Variants in CNTN1 observed in about 807,000 individuals in gnomAD.
CNTN1 encodes the protein contactin 1.
In CNTN1, 38 loss-of-function variants were observed where a neutral mutation model predicts 126.4. The ratio of observed to expected loss-of-function variants is 0.30; its 90% CI spans 0.23 to 0.39. CNTN1 has a LOEUF of 0.39. Ranked by LOEUF, CNTN1 falls within the 10% of genes least tolerant of loss-of-function variation. CNTN1 has a pLI of 1.00. For synonymous variants in CNTN1, 413 were observed against 422.6 expected (o/e 0.98, Z 0.28); for missense variants, 1,009 against 1,248.4 (o/e 0.81, Z 2.89).
intron 23 of CNTN1, among the ~76,000 whole-genome samples, chr12:41,046,327 G>A (rs1359362198): frequency 6.6e-6 from 1 of 151,892 alleles, no homozygotes; most frequent in East Asian, 1.9e-4. Context: ...CTGAAATTTG[G>A]CATTTTAAAA....
At chr12:40,803,365 T>C (rs748752191) in intron 1 of CNTN1, among the ~76,000 whole-genome samples, 38 of 152,048 alleles carry the variant, frequency 2.5e-4, no homozygotes, top group Non-Finnish European at 5.0e-4. Context: ...TGTAAACTTT[T>C]TGAAGAGCAT....
intron 12 of CNTN1, among the ~76,000 whole-genome samples, chr12:40,940,675 T>G (rs1021581775): frequency 6.6e-6 from 1 of 152,066 alleles, no homozygotes; most frequent in Admixed American, 6.6e-5. Context: ...AGCCCTCTTA[T>G]TAGGATGAGC....
intron 1 of CNTN1, among the ~76,000 whole-genome samples, chr12:40,840,721 A>T (rs1353576146): frequency 6.6e-6 from 1 of 152,018 alleles, no homozygotes; most frequent in Non-Finnish European, 1.5e-5. Context: ...AAGCTCCTGC[A>T]TTAACATTGA....
intron 1 of CNTN1, among the ~76,000 whole-genome samples, chr12:40,903,263 G>A (rs180867430): frequency 3.9e-5 from 6 of 152,256 alleles, no homozygotes; most frequent in Admixed American, 3.9e-4. Flanking sequence ...CAGGGAGCTG[G>A]CCAGCACAGC....
chr12:41,014,374 A>T (rs1318201318), intron 18 of CNTN1, 76 bp downstream of exon 18: 1 of 1,446,878 alleles, frequency 6.9e-7, no homozygotes, highest in Non-Finnish European at 9.7e-7. Flanking sequence ...GTTTCCTGAA[A>T]TAAATTGAGA....
At chr12:40,835,986 ATGTGTG>A (rs752905803) in intron 1 of CNTN1, among the ~76,000 whole-genome samples, 2 of 51,346 alleles carry the variant, frequency 3.9e-5, no homozygotes, top group Admixed American at 1.8e-4. Flanking sequence ...AGGTATATAT[ATGTGTG>A]TGTGTGTGTG....
At chr12:40,883,703 A>G (rs909247964) in intron 1 of CNTN1, among the ~76,000 whole-genome samples, 1 of 151,636 alleles carries the variant, frequency 6.6e-6, no homozygotes, top group Non-Finnish European at 1.5e-5. Context: ...AAGCAAAAAA[A>G]TAATCTATTA....
At chr12:40,799,766 A>G (rs1404802352) in intron 1 of CNTN1, among the ~76,000 whole-genome samples, 1 of 152,054 alleles carries the variant, frequency 6.6e-6, no homozygotes, top group Non-Finnish European at 1.5e-5. Flanking sequence ...CACTTACTAT[A>G]TACAAGCACT....
intron 1 of CNTN1, among the ~76,000 whole-genome samples, chr12:40,853,179 T>C (rs1942780681): frequency 6.6e-6 from 1 of 152,050 alleles, no homozygotes; most frequent in African/African-American, 2.4e-5. Context: ...TTACCAGATA[T>C]GACAGGACCT....
At chr12:41,048,719 GA>G (rs367752664) in intron 23 of CNTN1, among the ~76,000 whole-genome samples, 334 of 151,556 alleles carry the variant, frequency 2.2e-3, no homozygotes, top group African/African-American at 7.7e-3. Flanking sequence ...AAAGAAGAAG[GA>G]AAAAAATGAA....
intron 17 of CNTN1, among the ~76,000 whole-genome samples, chr12:41,011,615 G>T (rs1243690130): frequency 6.6e-6 from 1 of 152,226 alleles, no homozygotes; most frequent in East Asian, 1.9e-4. Context: ...CTAAGTGGTG[G>T]GTTTTAGTCA....
chr12:40,936,989 G>T, intron 10 of CNTN1, 84 bp downstream of exon 10: 1 of 1,563,298 alleles, frequency 6.4e-7, no homozygotes, highest in South Asian at 1.1e-5. Flanking sequence ...TTTAGCAGGA[G>T]AGACAATACA....
At chr12:40,793,157 T>A (rs1940284180) in intron 1 of CNTN1, among the ~76,000 whole-genome samples, 1 of 152,116 alleles carries the variant, frequency 6.6e-6, no homozygotes, top group African/African-American at 2.4e-5. Context: ...TGAGGCTTCA[T>A]CTGAGTAACA....
chr12:40,980,448 C>CAA lies in CNTN1; in HGVS notation c.1805-446_1805-445dup, dbSNP rs5797694. Reference sequence around the variant, plus strand: ...TGGGTGACAGAGTGAGACCCTAACTCAAAAAAAAAAAAAAAAGCCACAAAG... The same window carrying CAA: ...TGGGTGACAGAGTGAGACCCTAACTCAAAAAAAAAAAAAAAAAAGCCACAAAG... On this transcript the variant is annotated intron_variant, in intron 15 of 23. Transcript: ENST00000551295. Among the ~76,000 whole-genome samples, 524 of 128,500 alleles carry CAA rather than the reference C, an allele frequency of 4.1e-3. 11 individuals carry two copies. In the South Asian group the frequency reaches 0.045, roughly 11 times the overall value. The allele number at this position is 128,500 out of a possible 152,430, so 84.3% of individuals were successfully genotyped here. A position where few individuals can be genotyped will look rare whatever the true frequency, so the allele number is the denominator to read the frequency against.
chr12:40,754,692 G>A (rs569208451), intron 1 of CNTN1, among the ~76,000 whole-genome samples: 1 of 151,918 alleles, frequency 6.6e-6, no homozygotes, highest in African/African-American at 2.4e-5. Flanking sequence ...TAGTATTTAT[G>A]TTGCAAGTTT....
chr12:40,817,265 T>A (rs548728606), intron 1 of CNTN1, among the ~76,000 whole-genome samples: 1 of 152,300 alleles, frequency 6.6e-6, no homozygotes, highest in African/African-American at 2.4e-5. Flanking sequence ...TCTCACACTA[T>A]TATTGTGTGG....
chr12:41,043,176 T>C (rs1949458278), intron 23 of CNTN1, among the ~76,000 whole-genome samples: 1 of 152,164 alleles, frequency 6.6e-6, no homozygotes, highest in African/African-American at 2.4e-5. Flanking sequence ...AAAGAGCTCC[T>C]GCACAGCAAA....
chr12:40,911,124 A>G (rs1945010773), intron 3 of CNTN1, among the ~76,000 whole-genome samples: 2 of 152,182 alleles, frequency 1.3e-5, no homozygotes, highest in South Asian at 4.1e-4. Flanking sequence ...TCTGTCACCC[A>G]GGCTGGAGTG....
At chr12:41,002,747 T>C (rs1308169072) in intron 17 of CNTN1, among the ~76,000 whole-genome samples, 1 of 151,836 alleles carries the variant, frequency 6.6e-6, no homozygotes, top group Non-Finnish European at 1.5e-5. Context: ...TTAGTAGAGA[T>C]GGGGTTTCAC....
Sources: gnomAD v4.1 joint callset for allele counts (sites outside exome capture counted in the v4.1 genomes callset) on GRCh38, gnomAD v4.1.1 for gene constraint, MANE v1.5 for transcripts, NCBI Gene and HGNC (gene_info 2026-07-23, HGNC 2026-07-21) for gene names.